Variants in DLG2 observed in about 807,000 individuals in gnomAD.
The protein encoded by DLG2 is discs large MAGUK scaffold protein 2.
In DLG2, 45 loss-of-function variants were observed where a neutral mutation model predicts 132.5. The ratio of observed to expected loss-of-function variants is 0.34; its 90% CI spans 0.27 to 0.44. The LOEUF (loss-of-function observed/expected upper bound fraction) is 0.44, where lower values mean the gene tolerates loss of function less well. Ranked by LOEUF, DLG2 falls within the 20% of genes least tolerant of loss-of-function variation. The probability of loss-of-function intolerance (pLI) is 1.00; values close to 1 mark genes in which losing one functional copy is unlikely to be tolerated. For synonymous variants in DLG2, 424 were observed against 419.6 expected (o/e 1.01, Z -0.13); for missense variants, 1,045 against 1,196.9 (o/e 0.87, Z 1.87).
intron 7 of DLG2, among the ~76,000 whole-genome samples, chr11:84,486,851 C>T (rs924312231): frequency 1.3e-5 from 2 of 151,996 alleles, no homozygotes; most frequent in Non-Finnish European, 2.9e-5. Flanking sequence ...ATATTCAAGA[C>T]CCTGGCTCTG....
intron 7 of DLG2, among the ~76,000 whole-genome samples, chr11:84,265,691 T>C (rs965826474): frequency 2.0e-5 from 3 of 151,986 alleles, no homozygotes; most frequent in African/African-American, 2.4e-5. Context: ...ATAAGGAAGA[T>C]AGGTAGTAGT....
At chr11:84,966,568 CAT>C (rs2053379278) in intron 6 of DLG2, among the ~76,000 whole-genome samples, 1 of 152,060 alleles carries the variant, frequency 6.6e-6, no homozygotes, top group Admixed American at 6.6e-5. Context: ...GAGGCTCTGG[CAT>C]AGTCTTGGCA....
At chr11:85,461,616 C>T (rs1176390912) in intron 3 of DLG2, among the ~76,000 whole-genome samples, 4 of 152,178 alleles carry the variant, frequency 2.6e-5, no homozygotes, top group African/African-American at 9.7e-5. Flanking sequence ...AATGTGTTTA[C>T]TTAGGCATGG....
At chr11:85,008,017 A>C (rs2058846082) in intron 6 of DLG2, among the ~76,000 whole-genome samples, 1 of 152,208 alleles carries the variant, frequency 6.6e-6, no homozygotes, top group African/African-American at 2.4e-5. Context: ...GATCTGGGGC[A>C]GAACTCCATA....
intron 7 of DLG2, among the ~76,000 whole-genome samples, chr11:84,269,754 A>T (rs1052620370): frequency 6.6e-6 from 1 of 152,196 alleles, no homozygotes; most frequent in Admixed American, 6.5e-5. Context: ...GTCTAGCAGC[A>T]AGATGAGCAT....
chr11:83,551,012 G>A (rs751403870), intron 19 of DLG2, among the ~76,000 whole-genome samples: 14 of 152,106 alleles, frequency 9.2e-5, no homozygotes, highest in African/African-American at 1.7e-4. Context: ...TGCATGACTC[G>A]TGAAGATCAT....
At chr11:84,596,062 A>C (rs911748232) in intron 6 of DLG2, among the ~76,000 whole-genome samples, 3 of 152,216 alleles carry the variant, frequency 2.0e-5, no homozygotes, top group African/African-American at 7.2e-5. Flanking sequence ...TTTTTTCCAC[A>C]TTAACACCTA....
intron 4 of DLG2, among the ~76,000 whole-genome samples, chr11:85,235,572 G>T (rs1288694896): frequency 2.0e-5 from 3 of 151,892 alleles, no homozygotes; most frequent in African/African-American, 4.8e-5. Context: ...CAAGGGAGTT[G>T]GGGGAAGACG....
chr11:85,333,159 T>A (rs192507995), intron 3 of DLG2, among the ~76,000 whole-genome samples: 11 of 152,212 alleles, frequency 7.2e-5, no homozygotes, highest in African/African-American at 2.6e-4. Flanking sequence ...ATTTTTTACC[T>A]CCCTGATTAG....
intron 6 of DLG2, among the ~76,000 whole-genome samples, chr11:84,839,483 G>GA (rs1373977402): frequency 2.0e-5 from 3 of 151,976 alleles, no homozygotes; most frequent in South Asian, 2.1e-4. Context: ...CACAGAATCG[G>GA]AAAAAACTAC....
At chr11:84,955,032 T>C (rs879583341) in intron 6 of DLG2, among the ~76,000 whole-genome samples, 4 of 152,324 alleles carry the variant, frequency 2.6e-5, no homozygotes, top group Non-Finnish European at 5.9e-5. Flanking sequence ...CAATCACAGA[T>C]AATATGTAAA....
At chr11:84,897,599 T>C (rs543734441) in intron 6 of DLG2, among the ~76,000 whole-genome samples, 6 of 151,982 alleles carry the variant, frequency 3.9e-5, no homozygotes, top group South Asian at 2.1e-4. Context: ...GTGAACAGCA[T>C]TCTACTGAAG....
chr11:84,793,112 T>G (rs2074099140), intron 6 of DLG2, among the ~76,000 whole-genome samples: 1 of 152,158 alleles, frequency 6.6e-6, no homozygotes, highest in Non-Finnish European at 1.5e-5. Context: ...ATGTTGTGTT[T>G]CCATTATCAT....
chr11:84,642,977 G>C (rs2099669818), intron 6 of DLG2, among the ~76,000 whole-genome samples: 1 of 152,062 alleles, frequency 6.6e-6, no homozygotes, highest in Non-Finnish European at 1.5e-5. Context: ...TTCCTTACCA[G>C]TATTTTTTTT....
At chr11:83,868,027 G>A (rs923580552) in intron 16 of DLG2, among the ~76,000 whole-genome samples, 7 of 152,166 alleles carry the variant, frequency 4.6e-5, no homozygotes, top group Non-Finnish European at 8.8e-5. Flanking sequence ...TCAAGTAGGA[G>A]GAGAGGTGGA....
chr11:84,912,507 CT>C (rs564338619), intron 6 of DLG2, among the ~76,000 whole-genome samples: 2 of 152,154 alleles, frequency 1.3e-5, no homozygotes, highest in Non-Finnish European at 2.9e-5. Flanking sequence ...ATATCTGGGG[CT>C]TTTTTTGTCT....
chr11:83,753,873 A>ATT lies in DLG2; in HGVS notation c.1825+32816_1825+32817insAA, dbSNP rs1479541209. ...TATATCATATATATATTTCATATAT[A>ATT]TGATATATATCATATATATCATATA... On this transcript the variant is annotated intron_variant, in intron 18 of 27. Coordinates refer to ENST00000376104, the MANE Select transcript of DLG2 (RefSeq NM_001142699.3). Among the ~76,000 whole-genome samples, 5 of 87,014 alleles carry ATT rather than the reference A, an allele frequency of 5.7e-5. 1 individual carries two copies. The highest frequency in any genetic ancestry group is 8.1e-5 in the African/African-American group (1 of 12,292). The allele number at this position is 87,014 out of a possible 152,430, so 57.1% of individuals were successfully genotyped here. A position where few individuals can be genotyped will look rare whatever the true frequency, so the allele number is the denominator to read the frequency against.
intron 7 of DLG2, among the ~76,000 whole-genome samples, chr11:84,410,141 C>A (rs1039951670): frequency 6.6e-6 from 1 of 152,148 alleles, no homozygotes; most frequent in African/African-American, 2.4e-5. Flanking sequence ...GTAATCTTAA[C>A]AACAAACATG....
chr11:84,251,920 G>A (rs2097383245), intron 7 of DLG2, among the ~76,000 whole-genome samples: 1 of 151,904 alleles, frequency 6.6e-6, no homozygotes, highest in Admixed American at 6.6e-5. Flanking sequence ...TTATAGGCAT[G>A]AGCTACCGCA....
Sources: gnomAD v4.1 joint callset for allele counts (sites outside exome capture counted in the v4.1 genomes callset) on GRCh38, gnomAD v4.1.1 for gene constraint, MANE v1.5 for transcripts, NCBI Gene and HGNC (gene_info 2026-07-23, HGNC 2026-07-21) for gene names.